The following DOCK3 variants were observed in gnomAD, a reference collection of about 807,000 sequenced individuals.
DOCK3 encodes the protein dedicator of cytokinesis 3.
DOCK3 carries 60 observed loss-of-function variants against 265.6 expected under a neutral mutation model. The ratio of observed to expected loss-of-function variants is 0.23; its 90% confidence interval spans 0.18 to 0.28. The LOEUF (loss-of-function observed/expected upper bound fraction) is 0.28. Among genes scored for constraint, DOCK3 ranks in the 10% least tolerant of loss-of-function variants. DOCK3 has a pLI of 1.00. For synonymous variants in DOCK3, 881 were observed against 938.0 expected (o/e 0.94, Z 1.11); for missense variants, 1,981 against 2,594.3 (o/e 0.76, Z 5.14).
intron 9 of DOCK3, among the ~76,000 whole-genome samples, chr3:51,125,462 A>C (rs1169458058): frequency 1.3e-5 from 2 of 152,136 alleles, no homozygotes; most frequent in African/African-American, 4.8e-5. Flanking sequence ...AGTTTCTGTA[A>C]GCTCTGCCTT....
Position 50,734,602 on chromosome 3 carries a change from G to GTTTTTTTTT in DOCK3, c.38-44063_38-44055dup, listed in dbSNP as rs771129941. ...TATTATATTCTTGCTTTTACAGTGA[G>GTTTTTTTTT]TTTTTTTTTTTTTTTTTTGAGATGG... On this transcript the variant is annotated intron_variant, in intron 1 of 52. Transcript: ENST00000266037. Among the ~76,000 whole-genome samples, 27 of 107,380 alleles carry GTTTTTTTTT rather than the reference G, an allele frequency of 2.5e-4. 2 individuals are homozygous for GTTTTTTTTT. The highest frequency in any genetic ancestry group is 3.1e-4 in the Non-Finnish European group (18 of 58,590). The allele number at this position is 107,380 out of a possible 152,430, so 70.4% of individuals were successfully genotyped here.
At chr3:51,254,250 G>C (rs2079422808) in intron 22 of DOCK3, among the ~76,000 whole-genome samples, 1 of 152,134 alleles carries the variant, frequency 6.6e-6, no homozygotes, top group Non-Finnish European at 1.5e-5. Flanking sequence ...TAAAATTTCT[G>C]TTCTTTTACA....
At chr3:50,953,207 TAAAATGTAATTTTA>T (rs2076639135) in intron 5 of DOCK3, among the ~76,000 whole-genome samples, 1 of 152,154 alleles carries the variant, frequency 6.6e-6, no homozygotes, top group Admixed American at 6.6e-5. Flanking sequence ...ACCCCAGTCT[TAAAATGTAATTTTA>T]AAAATTCAGA....
chr3:50,714,212 C>A (rs17051403), intron 1 of DOCK3, among the ~76,000 whole-genome samples: 11,142 of 152,158 alleles, frequency 0.073, 1,087 homozygotes, highest in East Asian at 0.33. Flanking sequence ...ACTGTAACTT[C>A]CCAAGTGATT....
chr3:51,101,287 A>AT (rs1327124853), intron 9 of DOCK3, among the ~76,000 whole-genome samples: 8 of 150,902 alleles, frequency 5.3e-5, no homozygotes, highest in Non-Finnish European at 8.9e-5. Flanking sequence ...CGCCCGGCTA[A>AT]TTTTTTGTAT....
chr3:50,831,146 G>A (rs2045124319), intron 2 of DOCK3, among the ~76,000 whole-genome samples: 2 of 151,174 alleles, frequency 1.3e-5, no homozygotes, highest in South Asian at 4.2e-4. Flanking sequence ...TGCCATCTTG[G>A]TTTTGGTGGG....
chr3:51,276,440 A>T (rs2080823385), intron 25 of DOCK3: 1 of 985,442 alleles, frequency 1.0e-6, no homozygotes, highest in Non-Finnish European at 1.2e-6. Context: ...CACAAGTGGG[A>T]ACCAGTAAAA....
chr3:51,377,984 G>A (rs1183350377), intron 51 of DOCK3, among the ~76,000 whole-genome samples: 2 of 152,286 alleles, frequency 1.3e-5, no homozygotes, highest in East Asian at 1.9e-4. Context: ...TTGGCAGAGA[G>A]GGGAAGGTAC....
chr3:50,869,132 G>A (rs1337696391), intron 3 of DOCK3, among the ~76,000 whole-genome samples: 11 of 149,864 alleles, frequency 7.3e-5, no homozygotes, highest in Non-Finnish European at 1.0e-4. Flanking sequence ...CTGCCACCAC[G>A]CCTGGCTAAT....
At chr3:51,353,694 C>T (rs1333999409) in intron 40 of DOCK3, among the ~76,000 whole-genome samples, 1 of 152,238 alleles carries the variant, frequency 6.6e-6, no homozygotes, top group South Asian at 2.1e-4. Context: ...AAAAATGAGA[C>T]AGAAATCCTA....
At chr3:51,186,906 G>A (rs929565091) in intron 12 of DOCK3, among the ~76,000 whole-genome samples, 1 of 152,244 alleles carries the variant, frequency 6.6e-6, no homozygotes, top group Non-Finnish European at 1.5e-5. Flanking sequence ...GCAGAAGTTT[G>A]CTTCAGGGGC....
At chr3:50,882,142 A>G (rs2048074053) in intron 3 of DOCK3, among the ~76,000 whole-genome samples, 1 of 152,232 alleles carries the variant, frequency 6.6e-6, no homozygotes, top group Non-Finnish European at 1.5e-5. Context: ...CTTAAACCTT[A>G]GACCTAAAAC....
chr3:51,174,471 AAAATAAAT>A (rs372524349), intron 12 of DOCK3, among the ~76,000 whole-genome samples: 4 of 150,218 alleles, frequency 2.7e-5, no homozygotes, highest in Admixed American at 6.7e-5. Context: ...TCTTGTCTCA[AAAATAAAT>A]AAATAAATAA....
intron 2 of DOCK3, among the ~76,000 whole-genome samples, chr3:50,800,726 T>A (rs1170815398): frequency 2.0e-5 from 3 of 152,168 alleles, no homozygotes; most frequent in Admixed American, 6.5e-5. Flanking sequence ...TGGTTTCTTC[T>A]TGCTTTTCTA....
chr3:51,356,570 C>T (rs761720637), intron 43 of DOCK3, 77 bp downstream of exon 43: 4 of 1,476,234 alleles, frequency 2.7e-6, no homozygotes, highest in Non-Finnish European at 3.7e-6. Flanking sequence ...TCTCTAAGGA[C>T]TAAAGAAAAA....
At chr3:51,101,355 C>T (rs1455735742) in intron 9 of DOCK3, among the ~76,000 whole-genome samples, 1 of 152,130 alleles carries the variant, frequency 6.6e-6, no homozygotes. Context: ...CTCCTGACCT[C>T]ATGATCCACC....
chr3:50,877,333 T>G (rs1015269024), intron 3 of DOCK3: 2 of 417,372 alleles, frequency 4.8e-6, no homozygotes, highest in Non-Finnish European at 9.6e-6. Context: ...TGGCCCTCAG[T>G]TGAACTTCTT....
At chr3:51,367,322 T>C (rs982130466) in intron 49 of DOCK3, among the ~76,000 whole-genome samples, 2 of 152,230 alleles carry the variant, frequency 1.3e-5, no homozygotes, top group African/African-American at 4.8e-5. Context: ...CCCTGCTTTT[T>C]TTTTGTTTTC....
chr3:51,194,970 A>T (rs574095544), intron 12 of DOCK3, among the ~76,000 whole-genome samples: 49 of 151,702 alleles, frequency 3.2e-4, no homozygotes, highest in Admixed American at 5.9e-4. Flanking sequence ...GACTACAGGC[A>T]TGTGCCACCA....
Sources: gnomAD v4.1 joint callset for allele counts (sites outside exome capture counted in the v4.1 genomes callset) on GRCh38, gnomAD v4.1.1 for gene constraint, MANE v1.5 for transcripts, NCBI Gene and HGNC (gene_info 2026-07-23, HGNC 2026-07-21) for gene names.